PRKAR2A: variants seen among roughly 807,000 people sequenced by gnomAD.
The protein encoded by PRKAR2A is protein kinase cAMP-dependent type II regulatory subunit alpha.
A neutral mutation model predicts 51.9 loss-of-function variants in PRKAR2A; 29 were observed. The ratio of observed to expected loss-of-function variants is 0.56; its 90% confidence interval spans 0.42 to 0.76. The LOEUF (loss-of-function observed/expected upper bound fraction) is 0.76. Ranked by LOEUF, PRKAR2A falls within the 30% of genes least tolerant of loss-of-function variation. The pLI is 0.00. For synonymous variants in PRKAR2A, 178 were observed against 186.2 expected (o/e 0.96, Z 0.36); for missense variants, 445 against 512.1 (o/e 0.87, Z 1.26).
chr3:48,833,429 C>G (rs2083227289), intron 1 of PRKAR2A, among the ~76,000 whole-genome samples: 1 of 152,136 alleles, frequency 6.6e-6, no homozygotes, highest in South Asian at 2.1e-4. Context: ...TGTTTCTTGC[C>G]AGGCGCAGAG....
At chr3:48,787,899 C>A (rs1575878729) in intron 4 of PRKAR2A, among the ~76,000 whole-genome samples, 1 of 152,184 alleles carries the variant, frequency 6.6e-6, no homozygotes, top group East Asian at 1.9e-4. Flanking sequence ...CTTCAGAAGC[C>A]TTTTTGGTAG....
intron 6 of PRKAR2A, among the ~76,000 whole-genome samples, chr3:48,766,500 A>T (rs1386907678): frequency 6.6e-6 from 1 of 152,000 alleles, no homozygotes; most frequent in Admixed American, 6.6e-5. Flanking sequence ...CAGGAGGCTA[A>T]GGTTGCAGTG....
At chr3:48,834,881 C>T (rs1187112068) in intron 1 of PRKAR2A, among the ~76,000 whole-genome samples, 1 of 151,366 alleles carries the variant, frequency 6.6e-6, no homozygotes, top group Non-Finnish European at 1.5e-5. Flanking sequence ...CTTGAATAGA[C>T]TTTTCTACCA....
chr3:48,835,947 C>G (rs1273533401), intron 1 of PRKAR2A, among the ~76,000 whole-genome samples: 1 of 152,032 alleles, frequency 6.6e-6, no homozygotes, highest in African/African-American at 2.4e-5. Flanking sequence ...ATCAATGGAA[C>G]AGAACTGAGT....
chr3:48,835,716 G>A (rs1263113047), intron 1 of PRKAR2A, among the ~76,000 whole-genome samples: 1 of 151,282 alleles, frequency 6.6e-6, no homozygotes, highest in Non-Finnish European at 1.5e-5. Context: ...CTGAACCCAG[G>A]AGGCGGAGGC....
intron 9 of PRKAR2A, 106 bp downstream of exon 9, chr3:48,756,273 C>T: frequency 6.1e-6 from 6 of 979,138 alleles, no homozygotes; most frequent in South Asian, 5.5e-5. Context: ...CAGTCACACA[C>T]CTCACATAAC....
At chr3:48,784,587 G>A (rs1316790073) in intron 4 of PRKAR2A, among the ~76,000 whole-genome samples, 2 of 152,138 alleles carry the variant, frequency 1.3e-5, no homozygotes, top group Admixed American at 1.3e-4. Context: ...CGCTTGTTCT[G>A]AGTCACTTTT....
intron 2 of PRKAR2A, among the ~76,000 whole-genome samples, chr3:48,796,063 T>C (rs552093542): frequency 6.6e-6 from 1 of 152,342 alleles, no homozygotes; most frequent in South Asian, 2.1e-4. Flanking sequence ...AAAACTGTTT[T>C]ACCAAGAATG....
rs750783868 is a variant in PRKAR2A at position 48,752,201 on chromosome 3, A to G, written c.1056T>C (p.Tyr352=). ...CTAAGCATTTGACATCTCCAACTGC[A>G]TAAGCTGAGGCAGCTCTGGGTTTGT... is the stretch of plus-strand genomic sequence containing the variant. ...VTNKPRAASA[Y]AVGDVKCLVM... is the part of the protein sequence containing the mutation. Residue 352 remains tyrosine (Y), a synonymous_variant, in exon 10 of 11, where the codon TAT becomes TAC. Coordinates refer to ENST00000265563, the MANE Select transcript of PRKAR2A (RefSeq NM_004157.4). 1.2e-5 allele frequency: 19 copies of G among 1,614,008 alleles called. No homozygotes were observed. Among genetic ancestry groups the G allele is most frequent in the South Asian group, 9.9e-5 (9 of 91,078 alleles).
intron 1 of PRKAR2A, among the ~76,000 whole-genome samples, chr3:48,828,774 T>C (rs182217979): frequency 1.3e-5 from 2 of 151,966 alleles, no homozygotes; most frequent in South Asian, 2.1e-4. Flanking sequence ...TTAAGCCTTT[T>C]TTTTATTTTT....
intron 1 of PRKAR2A, among the ~76,000 whole-genome samples, chr3:48,817,701 T>C (rs939442924): frequency 2.2e-4 from 32 of 148,768 alleles, no homozygotes; most frequent in Non-Finnish European, 4.6e-4. Flanking sequence ...AAGATAATAA[T>C]AATAAAATAA....
At chr3:48,825,136 G>GCGA (rs1448746050) in intron 1 of PRKAR2A, among the ~76,000 whole-genome samples, 1 of 139,280 alleles carries the variant, frequency 7.2e-6, no homozygotes, top group East Asian at 2.4e-4. Context: ...CCAGGTTCAA[G>GCGA]CGATGCCTCC....
intron 8 of PRKAR2A, among the ~76,000 whole-genome samples, chr3:48,760,204 A>G (rs921195255): frequency 1.3e-5 from 2 of 152,184 alleles, no homozygotes; most frequent in East Asian, 3.9e-4. Flanking sequence ...AAAATAAAAA[A>G]AAATTAGCCG....
intron 1 of PRKAR2A, among the ~76,000 whole-genome samples, chr3:48,813,010 T>A (rs9311432): frequency 0.66 from 100,518 of 151,924 alleles, 33,951 homozygotes; most frequent in East Asian, 0.96. Context: ...AGGCAAATAA[T>A]TCTGACTGGA....
intron 1 of PRKAR2A, among the ~76,000 whole-genome samples, chr3:48,846,943 A>T (rs2083472866): frequency 6.6e-6 from 1 of 152,212 alleles, no homozygotes; most frequent in African/African-American, 2.4e-5. Context: ...TTCAAAAAAA[A>T]TTATTATTTC....
chr3:48,815,102 C>G (rs547271712), intron 1 of PRKAR2A, among the ~76,000 whole-genome samples: 1 of 152,076 alleles, frequency 6.6e-6, no homozygotes, highest in South Asian at 2.1e-4. Flanking sequence ...TCAGTAGAGA[C>G]AGGGTTTCGC....
chr3:48,803,176 GGCCAAGACAAGA>G (rs2082617258), intron 2 of PRKAR2A, among the ~76,000 whole-genome samples: 1 of 152,166 alleles, frequency 6.6e-6, no homozygotes, highest in Admixed American at 6.6e-5. Flanking sequence ...AACACTGGGA[GGCCAAGACAAGA>G]GGATAGTTTG....
intron 5 of PRKAR2A, among the ~76,000 whole-genome samples, chr3:48,778,760 T>C (rs2082143952): frequency 6.6e-6 from 1 of 151,140 alleles, no homozygotes. Flanking sequence ...CCTTGTGACC[T>C]GCCCGCCTCA....
intron 1 of PRKAR2A, among the ~76,000 whole-genome samples, chr3:48,815,541 A>G (rs970056292): frequency 2.6e-5 from 4 of 151,470 alleles, no homozygotes; most frequent in African/African-American, 9.7e-5. Flanking sequence ...CTAAAAATAC[A>G]AGAAATTAGC....
Sources: allele counts gnomAD v4.1 joint callset (sites outside exome capture counted in the v4.1 genomes callset), GRCh38; gene constraint gnomAD v4.1.1; transcripts MANE v1.5; gene names NCBI Gene and HGNC (gene_info 2026-07-23, HGNC 2026-07-21).